The following KANSL1 variants were observed in gnomAD, a reference collection of about 807,000 sequenced individuals.
KANSL1 encodes MLL1/MLL complex subunit KANSL1.
A neutral mutation model predicts 103.6 loss-of-function variants in KANSL1; 22 were observed. The observed-to-expected ratio is 0.21, with a 90% CI of 0.15 to 0.30. The LOEUF is 0.30. Ranked by LOEUF, KANSL1 falls within the 10% of genes least tolerant of loss-of-function variation. The pLI is 1.00. For synonymous variants in KANSL1, 600 were observed against 527.6 expected (o/e 1.14, Z -1.88); for missense variants, 1,337 against 1,399.8 (o/e 0.96, Z 0.72).
intron 1 of KANSL1, among the ~76,000 whole-genome samples, chr17:46,220,973 C>T (rs1343440293): frequency 6.6e-6 from 1 of 151,632 alleles, no homozygotes; most frequent in Non-Finnish European, 1.5e-5. Context: ...CACGTGTGAG[C>T]CACCATGCCC....
chr17:46,189,386 A>AC (rs2047200159), intron 1 of KANSL1, among the ~76,000 whole-genome samples: 7 of 152,172 alleles, frequency 4.6e-5, no homozygotes, highest in Admixed American at 2.0e-4. Flanking sequence ...AGGGACAATA[A>AC]AACTATATAC....
intron 4 of KANSL1, among the ~76,000 whole-genome samples, chr17:46,076,942 G>A (rs748642530): frequency 6.6e-6 from 1 of 152,066 alleles, no homozygotes; most frequent in Non-Finnish European, 1.5e-5. Context: ...AATTCCATGG[G>A]GTTTCTAAGT....
chr17:46,171,608 C>A lies in KANSL1; in HGVS notation c.536G>T (p.Gly179Val). The A allele has an allele frequency of 6.3e-7, 1 of 1,581,004 alleles. No homozygotes were observed. The highest frequency in any genetic ancestry group is 1.2e-5 in the South Asian group (1 of 86,912). Residue 179 changes from glycine (G) to valine (V), a missense_variant, in exon 2 of 15, where the codon GGA becomes GTA. By Grantham distance (109) the Gly-to-Val change is moderately radical. This residue lies in a region of KANSL1 where 557 missense variants were observed against 476.4 expected (regional missense o/e 1.17). Transcript: ENST00000432791. The stretch of plus-strand genomic sequence containing the variant: ...AGCAGATGAAGTGAGAGCCCGTTTT[C>A]CCCCATTGAGGGAAGTGGAATTGTC... ...DHDNSTSLNG[G>V]KRALTSSALH...
intron 2 of KANSL1, among the ~76,000 whole-genome samples, chr17:46,130,387 G>GTAA (rs2043805957): frequency 6.6e-6 from 1 of 152,118 alleles, no homozygotes; most frequent in African/African-American, 2.4e-5. Context: ...TAAAGTAGAG[G>GTAA]ATTTAAATAA....
chr17:46,108,596 C>A (rs182554999), intron 2 of KANSL1, among the ~76,000 whole-genome samples: 1 of 152,180 alleles, frequency 6.6e-6, no homozygotes, highest in Non-Finnish European at 1.5e-5. Flanking sequence ...ACCATAATAT[C>A]TCTGGGTGCT....
intron 1 of KANSL1, among the ~76,000 whole-genome samples, chr17:46,180,988 G>C (rs740706): frequency 0.14 from 21,931 of 152,092 alleles, 2,139 homozygotes; most frequent in Non-Finnish European, 0.22. Flanking sequence ...AGGATGGATT[G>C]AAAGTAAGTA....
intron 1 of KANSL1, among the ~76,000 whole-genome samples, chr17:46,202,621 A>G (rs1384040292): frequency 6.6e-6 from 1 of 152,250 alleles, no homozygotes; most frequent in Non-Finnish European, 1.5e-5. Flanking sequence ...CATGGGTACA[A>G]TATTATAAAA....
chr17:46,148,436 C>A (rs1406070), intron 2 of KANSL1, among the ~76,000 whole-genome samples: 3 of 152,122 alleles, frequency 2.0e-5, no homozygotes, highest in African/African-American at 7.2e-5. Context: ...CAAGGGTAAC[C>A]TATCATTTAT....
intron 2 of KANSL1, among the ~76,000 whole-genome samples, chr17:46,136,404 T>G (rs1341249423): frequency 6.6e-6 from 1 of 152,226 alleles, no homozygotes; most frequent in Non-Finnish European, 1.5e-5. Flanking sequence ...ATCATCCTTC[T>G]TAGTAGTATA....
intron 2 of KANSL1, among the ~76,000 whole-genome samples, chr17:46,145,903 A>G (rs1597793880): frequency 6.6e-6 from 1 of 152,060 alleles, no homozygotes; most frequent in African/African-American, 2.4e-5. Flanking sequence ...TATTTTTTGT[A>G]TTTTTAGTAG....
intron 1 of KANSL1, among the ~76,000 whole-genome samples, chr17:46,203,160 G>A (rs188899268): frequency 2.3e-3 from 353 of 152,224 alleles, no homozygotes; most frequent in Non-Finnish European, 4.2e-3. Context: ...TGAACCCAGC[G>A]GGAGGTAGAG....
intron 2 of KANSL1, chr17:46,152,824 T>G (rs1385001227): frequency 6.6e-6 from 1 of 152,252 alleles, no homozygotes; most frequent in Non-Finnish European, 1.5e-5. Context: ...CAACAAAATG[T>G]TAAGTATTTG....
At position 46,171,537 on chromosome 17, in the gene KANSL1, C is replaced by G. The variant is rs138175526; in HGVS notation, c.607G>C (p.Gly203Arg). 552 of 1,612,532 alleles carry G rather than the reference C, an allele frequency of 3.4e-4. 2 individuals are homozygous for G. In the African/African-American group the frequency reaches 6.2e-3, roughly 18 times the overall value. ...MGGSESGDLK[G>R]GMTNCTLPHR... ...GGAAGAGTGCAATTGGTCATACCCC[C>G]CTTCAAGTCCCCAGATTCAGATCCT... The change falls in exon 2 of 15, where the codon GGG (glycine) becomes CGG (arginine). Residue 203 changes from glycine (G) to arginine (R), a missense_variant. Gly to Arg is a moderately radical substitution (Grantham distance 125). Coordinates refer to ENST00000432791, the MANE Select transcript of KANSL1 (RefSeq NM_015443.4).
At chr17:46,176,687 A>G (rs1382424033) in intron 1 of KANSL1, among the ~76,000 whole-genome samples, 1 of 135,420 alleles carries the variant, frequency 7.4e-6, no homozygotes, top group East Asian at 1.9e-4. Flanking sequence ...GCAAGACTCC[A>G]TCTTAAAAAA....
chr17:46,107,816 T>C (rs1250701861), intron 2 of KANSL1, among the ~76,000 whole-genome samples: 2 of 152,196 alleles, frequency 1.3e-5, no homozygotes, highest in Admixed American at 6.5e-5. Flanking sequence ...ATCCCAAACC[T>C]GCTTCAACTA....
chr17:46,052,964 C>CAAAAAAAAAAAAAAAAAAAAAAAAA (rs34473927), intron 6 of KANSL1, among the ~76,000 whole-genome samples: 2 of 33,002 alleles, frequency 6.1e-5, no homozygotes, highest in Non-Finnish European at 1.2e-4. Context: ...ATCCTGTCTC[C>CAAAAAAAAAAAAAAAAAAAAAAAAA]AAAAAAAAAA....
intron 3 of KANSL1, among the ~76,000 whole-genome samples, chr17:46,082,923 C>G (rs995699083): frequency 3.3e-5 from 5 of 152,112 alleles, no homozygotes; most frequent in African/African-American, 1.2e-4. Context: ...ACTTACTAAG[C>G]TGAAAATGCT....
In KANSL1 at chr17:46,039,969, T is replaced by C. The variant is rs1191010053; in HGVS notation, c.2021-85A>G. 5.4e-6 allele frequency: 7 copies of C among 1,289,840 alleles called. No homozygotes were observed. In the African/African-American group the frequency reaches 5.8e-5, roughly 11 times the overall value. 79.9% of individuals were successfully genotyped at this position (1,289,840 alleles called of 1,614,324 possible). On this transcript the variant is annotated intron_variant, in intron 7 of 14. Coordinates refer to ENST00000432791, the MANE Select transcript of KANSL1 (RefSeq NM_015443.4). ...GACCTACACTCCATCCTCCTTTAATTTGCCCAGTGGCCTGACACTTGGCAG... is the reference window on the plus strand; with the variant it reads ...GACCTACACTCCATCCTCCTTTAATCTGCCCAGTGGCCTGACACTTGGCAG...
chr17:46,148,834 C>T (rs1340746080), intron 2 of KANSL1, among the ~76,000 whole-genome samples: 1 of 151,478 alleles, frequency 6.6e-6, no homozygotes, highest in South Asian at 2.1e-4. Flanking sequence ...AATCTGCCCA[C>T]CTCGGTTTCC....
Sources: gnomAD v4.1 joint callset for allele counts (sites outside exome capture counted in the v4.1 genomes callset) on GRCh38, gnomAD v4.1.1 for gene constraint, gnomAD v4.1.1 regional missense constraint, MANE v1.5 for transcripts, NCBI Gene and HGNC (gene_info 2026-07-23, HGNC 2026-07-21) for gene names.